SPMIP8: variants seen among roughly 807,000 people sequenced by gnomAD.
SPMIP8 encodes sperm microtubule inner protein 8.
At chr16:57,985,055 G>T in the SPMIP8 span, 2 of 1,113,336 alleles carry the variant, frequency 1.8e-6, no homozygotes, top group Admixed American at 3.0e-5. Flanking sequence ...TTGCCCTGGT[G>T]GGGCAGCGGA....
the SPMIP8 span, among the ~76,000 whole-genome samples, chr16:57,979,959 C>T: frequency 6.6e-6 from 1 of 152,054 alleles, no homozygotes; most frequent in Non-Finnish European, 1.5e-5. Flanking sequence ...TCCCAGCTCC[C>T]AGGCTGAGGC....
the SPMIP8 span, chr16:57,977,842 C>G: frequency 3.1e-6 from 5 of 1,613,788 alleles, no homozygotes; most frequent in Non-Finnish European, 4.2e-6. Flanking sequence ...GACCTGGTGC[C>G]CTGGGACGAT....
the SPMIP8 span, among the ~76,000 whole-genome samples, chr16:57,981,407 A>ATTATTATTATTATTATT: frequency 1.8e-5 from 1 of 56,394 alleles, no homozygotes; most frequent in Non-Finnish European, 6.5e-5. Context: ...TTATTATTAT[A>ATTATTATTATTATTATT]ATAATAATTA....
the SPMIP8 span, chr16:57,984,935 T>A: frequency 7.5e-7 from 1 of 1,329,734 alleles, no homozygotes; most frequent in Non-Finnish European, 1.0e-6. Context: ...GCCGCTGAGA[T>A]GAAGCTGTGG....
chr16:57,981,361 C>T, the SPMIP8 span, among the ~76,000 whole-genome samples: 2 of 85,560 alleles, frequency 2.3e-5, no homozygotes. Flanking sequence ...GCCTGGGCAA[C>T]AGAGTGACAC....
At chr16:57,984,427 C>T in the SPMIP8 span, 3 of 1,569,292 alleles carry the variant, frequency 1.9e-6, no homozygotes, top group East Asian at 4.6e-5. Flanking sequence ...CACCTCTGGT[C>T]CTGGGATCTA....
At chr16:57,984,885 A>T in the SPMIP8 span, 1 of 1,480,078 alleles carries the variant, frequency 6.8e-7, no homozygotes, top group Non-Finnish European at 9.0e-7. Context: ...TGGACTGCGG[A>T]CGGGAACGCA....
the SPMIP8 span, chr16:57,984,543 C>T: frequency 1.3e-6 from 2 of 1,499,750 alleles, no homozygotes; most frequent in South Asian, 1.3e-5. Context: ...CACCGGGCCA[C>T]TTGTCAACTG....
the SPMIP8 span, chr16:57,976,698 C>T: frequency 6.3e-7 from 1 of 1,589,574 alleles, no homozygotes; most frequent in Non-Finnish European, 8.6e-7. Flanking sequence ...CCCTGTCCCT[C>T]CCCAGGCAGT....
the SPMIP8 span, chr16:57,985,256 C>T: frequency 6.4e-7 from 1 of 1,560,156 alleles, no homozygotes; most frequent in Non-Finnish European, 8.7e-7. Context: ...CGACGTGACC[C>T]AGACCTGGCG....
the SPMIP8 span, among the ~76,000 whole-genome samples, chr16:57,978,279 G>A: frequency 2.0e-5 from 3 of 152,138 alleles, no homozygotes; most frequent in Non-Finnish European, 4.4e-5. Context: ...TTAGAGGCTG[G>A]GCGCAGTCCC....
chr16:57,983,421 A>G, the SPMIP8 span, among the ~76,000 whole-genome samples: 1 of 152,016 alleles, frequency 6.6e-6, no homozygotes, highest in Non-Finnish European at 1.5e-5. Flanking sequence ...GTTTATTTTT[A>G]TGTATTTAAC....
the SPMIP8 span, chr16:57,978,105 G>A: frequency 6.6e-7 from 1 of 1,516,936 alleles, no homozygotes; most frequent in Non-Finnish European, 8.9e-7. Context: ...GAGGGAGACA[G>A]ATGCAAGGAT....
chr16:57,985,056 G>T, the SPMIP8 span: 6 of 1,115,642 alleles, frequency 5.4e-6, no homozygotes, highest in African/African-American at 8.0e-5. Flanking sequence ...TGCCCTGGTG[G>T]GGCAGCGGAG....
At chr16:57,978,284 A>C in the SPMIP8 span, among the ~76,000 whole-genome samples, 14 of 152,182 alleles carry the variant, frequency 9.2e-5, no homozygotes, top group African/African-American at 3.4e-4. Flanking sequence ...GGCTGGGCGC[A>C]GTCCCAGCAC....
the SPMIP8 span, chr16:57,985,459 C>T: frequency 7.4e-6 from 12 of 1,613,814 alleles, no homozygotes; most frequent in African/African-American, 8.0e-5. Context: ...TCACCGCGCC[C>T]CTATCCCTGC....
the SPMIP8 span, chr16:57,986,124 C>A: frequency 3.0e-6 from 2 of 665,508 alleles, no homozygotes; most frequent in Non-Finnish European, 4.6e-6. Flanking sequence ...GGCAAATGTG[C>A]AGCCCACTGG....
the SPMIP8 span, chr16:57,978,121 AG>A: frequency 6.8e-7 from 1 of 1,467,818 alleles, no homozygotes; most frequent in Non-Finnish European, 9.2e-7. Context: ...AGGATGAAAG[AG>A]GCCAGTCCCA....
the SPMIP8 span, chr16:57,984,848 T>C: frequency 6.4e-7 from 1 of 1,557,422 alleles, no homozygotes; most frequent in African/African-American, 1.4e-5. Context: ...GCCGGGCAGG[T>C]GGGCCGCGGG....
Sources: gnomAD v4.1 joint callset for allele counts (sites outside exome capture counted in the v4.1 genomes callset) on GRCh38, gnomAD v4.1.1 for gene constraint, MANE v1.5 for transcripts, NCBI Gene and HGNC (gene_info 2026-07-23, HGNC 2026-07-21) for gene names.